CRPPA: variants seen among roughly 807,000 people sequenced by gnomAD.
CRPPA encodes the protein D-ribitol-5-phosphate cytidylyltransferase.
Under a neutral mutation model 52.0 loss-of-function variants are expected in CRPPA, and 43 were observed. That is an observed-to-expected ratio of 0.83 (90% CI 0.65 to 1.07). CRPPA has a LOEUF of 1.07. Among genes scored for constraint, CRPPA ranks in the 50% least tolerant of loss-of-function variants. CRPPA has a pLI of 0.00. For synonymous variants in CRPPA, 250 were observed against 203.5 expected, an observed-to-expected ratio of 1.23 and a Z score of -1.94; for missense variants, 629 against 551.7, an observed-to-expected ratio of 1.14 and a Z score of -1.40.
chr7:16,402,303 C>G (rs1013463980), intron 2 of CRPPA, among the ~76,000 whole-genome samples: 1 of 152,138 alleles, frequency 6.6e-6, no homozygotes, highest in African/African-American at 2.4e-5. Flanking sequence ...AAACTTCAAG[C>G]CAAGAATTAA....
At chr7:16,153,994 T>A (rs1263240073) in intron 9 of CRPPA, among the ~76,000 whole-genome samples, 4 of 151,202 alleles carry the variant, frequency 2.6e-5, no homozygotes, top group Non-Finnish European at 5.9e-5. Flanking sequence ...AACAAGTGTA[T>A]CAGGAAAGCC....
intron 9 of CRPPA, among the ~76,000 whole-genome samples, chr7:16,105,151 TG>T (rs1782126244): frequency 1.3e-5 from 2 of 151,078 alleles, no homozygotes; most frequent in Non-Finnish European, 2.9e-5. Context: ...GATGGCAAAA[TG>T]GGAAGTCTTC....
chr7:16,106,184 T>C (rs1478632404), intron 9 of CRPPA, among the ~76,000 whole-genome samples: 2 of 152,154 alleles, frequency 1.3e-5, no homozygotes, highest in African/African-American at 4.8e-5. Flanking sequence ...CCATAAGAGC[T>C]AGACCTGCTT....
intron 2 of CRPPA, among the ~76,000 whole-genome samples, chr7:16,394,916 C>T (rs1017317721): frequency 2.0e-5 from 3 of 152,168 alleles, no homozygotes; most frequent in Admixed American, 1.3e-4. Flanking sequence ...AAAATGCTCA[C>T]GTTAAAAGGC....
chr7:16,163,130 C>T (rs1780948456), intron 9 of CRPPA, among the ~76,000 whole-genome samples: 1 of 151,794 alleles, frequency 6.6e-6, no homozygotes, highest in African/African-American at 2.4e-5. Flanking sequence ...CCTGCCACCA[C>T]ACTCAGCTAA....
intron 9 of CRPPA, among the ~76,000 whole-genome samples, chr7:16,097,287 G>A (rs1781955435): frequency 6.6e-6 from 1 of 152,074 alleles, no homozygotes; most frequent in African/African-American, 2.4e-5. Flanking sequence ...TGTAACAATT[G>A]TTCACTGAGA....
chr7:16,091,389 C>A lies in CRPPA; in HGVS notation c.*306G>T. 4.5e-6 allele frequency: 1 copy of A among 220,828 alleles called. No homozygotes were observed. The highest frequency in any genetic ancestry group is 8.8e-6 in the Non-Finnish European group (1 of 113,738). 13.7% of individuals were successfully genotyped at this position (220,828 alleles called of 1,614,324 possible). Reference sequence around the variant, plus strand: ...TCTCATTCCTTGAAAGAATAGCTCACCCCATCATTATTTCTATTTGACCGT... The same window carrying A: ...TCTCATTCCTTGAAAGAATAGCTCAACCCATCATTATTTCTATTTGACCGT... On this transcript the variant is annotated 3_prime_UTR_variant, in exon 10 of 10. Coordinates refer to ENST00000407010, the MANE Select transcript of CRPPA (RefSeq NM_001101426.4).
At chr7:16,091,868 G>T in intron 9 of CRPPA, 69 bp from the exon 10 acceptor site, 1 of 945,374 alleles carries the variant, frequency 1.1e-6, no homozygotes. Flanking sequence ...TTGATAAAAA[G>T]CCACTTTTCA....
At chr7:16,189,033 A>T (rs535308465) in intron 9 of CRPPA, among the ~76,000 whole-genome samples, 82 of 152,340 alleles carry the variant, frequency 5.4e-4, no homozygotes, top group Non-Finnish European at 1.1e-3. Flanking sequence ...TCATGCAAAC[A>T]TTTAGTATGT....
intron 3 of CRPPA, among the ~76,000 whole-genome samples, chr7:16,372,102 T>C (rs763687999): frequency 1.1e-4 from 17 of 152,198 alleles, no homozygotes; most frequent in Non-Finnish European, 2.2e-4. Context: ...AGAAATGAAG[T>C]CTAAGAGTTT....
At chr7:16,115,540 A>C (rs754987248) in intron 9 of CRPPA, among the ~76,000 whole-genome samples, 19 of 152,176 alleles carry the variant, frequency 1.2e-4, no homozygotes, top group Non-Finnish European at 2.1e-4. Context: ...AGGGCTTACA[A>C]ATTGTGACAT....
At chr7:16,198,847 C>A (rs1781791699) in intron 9 of CRPPA, among the ~76,000 whole-genome samples, 1 of 151,862 alleles carries the variant, frequency 6.6e-6, no homozygotes, top group South Asian at 2.1e-4. Context: ...TTGGTAAATT[C>A]TTTCATCTGA....
At chr7:16,199,971 C>T (rs904627160) in intron 9 of CRPPA, among the ~76,000 whole-genome samples, 1 of 151,404 alleles carries the variant, frequency 6.6e-6, no homozygotes, top group African/African-American at 2.4e-5. Flanking sequence ...GATTCTCCTG[C>T]CTCTGCCTGC....
At chr7:16,352,263 G>A (rs1465940789) in intron 3 of CRPPA, among the ~76,000 whole-genome samples, 5 of 151,882 alleles carry the variant, frequency 3.3e-5, no homozygotes, top group Non-Finnish European at 4.4e-5. Flanking sequence ...ATGGCCTGTT[G>A]GAGGGGTGGG....
intron 8 of CRPPA, among the ~76,000 whole-genome samples, chr7:16,252,505 G>A (rs1783486842): frequency 6.6e-6 from 1 of 152,094 alleles, no homozygotes; most frequent in Admixed American, 6.6e-5. Context: ...GACTCAGTTT[G>A]CCAGTATTTT....
chr7:16,275,325 G>T (rs1228972228), intron 6 of CRPPA, among the ~76,000 whole-genome samples: 1 of 152,098 alleles, frequency 6.6e-6, no homozygotes, highest in Non-Finnish European at 1.5e-5. Flanking sequence ...TCTCTGCTAG[G>T]GATAACTGGG....
At chr7:16,241,946 C>CTTTTTTTTTTTTTT (rs71549979) in intron 8 of CRPPA, among the ~76,000 whole-genome samples, 2 of 55,374 alleles carry the variant, frequency 3.6e-5, no homozygotes, top group Non-Finnish European at 7.2e-5. Context: ...AAAATCTATT[C>CTTTTTTTTTTTTTT]TTTTTTTTTT....
chr7:16,206,204 T>C (rs966126131), intron 9 of CRPPA, among the ~76,000 whole-genome samples: 3 of 152,138 alleles, frequency 2.0e-5, no homozygotes, highest in African/African-American at 7.2e-5. Flanking sequence ...AATATTTTTT[T>C]TGTTACCTTA....
intron 1 of CRPPA, among the ~76,000 whole-genome samples, chr7:16,420,447 CCT>C (rs775463651): frequency 2.6e-5 from 4 of 152,132 alleles, no homozygotes; most frequent in Non-Finnish European, 5.9e-5. Flanking sequence ...TATCCCATTC[CCT>C]GTCTCCTTCA....
Sources: gnomAD v4.1 joint callset for allele counts (sites outside exome capture counted in the v4.1 genomes callset) on GRCh38, gnomAD v4.1.1 for gene constraint, MANE v1.5 for transcripts, NCBI Gene and HGNC (gene_info 2026-07-23, HGNC 2026-07-21) for gene names.